PTGR2: variants seen among roughly 807,000 people sequenced by gnomAD.
The protein encoded by PTGR2 is 15-oxoprostaglandin 13-reductase.
Under a neutral mutation model 43.4 loss-of-function variants are expected in PTGR2, and 32 were observed. The observed-to-expected ratio is 0.74, with a 90% confidence interval of 0.56 to 0.99. The LOEUF (loss-of-function observed/expected upper bound fraction) is 0.99, where lower values mean the gene tolerates loss of function less well. PTGR2 is among the 50% of genes least tolerant of loss of function. The pLI is 0.00. For synonymous variants in PTGR2, 106 were observed against 139.2 expected, an observed-to-expected ratio of 0.76 and a Z score of 1.68; for missense variants, 373 against 420.0, an observed-to-expected ratio of 0.89 and a Z score of 0.98.
intron 3 of PTGR2, among the ~76,000 whole-genome samples, chr14:73,866,094 C>T (rs184508645): frequency 2.5e-4 from 38 of 152,072 alleles, no homozygotes; most frequent in African/African-American, 4.3e-4. Context: ...CTCCACTTCC[C>T]GGGTTCAAGT....
chr14:73,862,368 C>T (rs1041914032), intron 3 of PTGR2, among the ~76,000 whole-genome samples: 4 of 151,930 alleles, frequency 2.6e-5, no homozygotes, highest in Non-Finnish European at 5.9e-5. Context: ...CCACCACGCC[C>T]GGCTAATTTT....
At chr14:73,863,038 A>G (rs2054529817) in intron 3 of PTGR2, among the ~76,000 whole-genome samples, 1 of 152,170 alleles carries the variant, frequency 6.6e-6, no homozygotes, top group Admixed American at 6.5e-5. Flanking sequence ...CAGTTTTATT[A>G]TATTCACACA....
intron 1 of PTGR2, among the ~76,000 whole-genome samples, chr14:73,856,567 A>G (rs761287414): frequency 1.3e-5 from 2 of 152,112 alleles, no homozygotes; most frequent in Non-Finnish European, 2.9e-5. Flanking sequence ...TAAATCTTTT[A>G]CCCCATATTT....
intron 4 of PTGR2, among the ~76,000 whole-genome samples, chr14:73,876,483 C>CTTTTTTTTTTTTTTTTTTTTTTT (rs766810794): frequency 3.7e-5 from 4 of 108,570 alleles, no homozygotes; most frequent in African/African-American, 6.7e-5. Flanking sequence ...GACATAAGTC[C>CTTTTTTTTTTTTTTTTTTTTTTT]TTTTTTTTTT....
chr14:73,880,049 G>A lies in PTGR2; in HGVS notation c.730-6G>A. On this transcript the variant is annotated splice_polypyrimidine_tract_variant and splice_region_variant and intron_variant, in intron 6 of 9. Coordinates refer to ENST00000555661, the MANE Select transcript of PTGR2 (RefSeq NM_001146154.2). ...GGATATTTTATCATTATTTTTCTCT[G>A]TGCAGATGAATGAGAACAGCCACAT... 2 of 1,613,390 alleles carry A rather than the reference G, an allele frequency of 1.2e-6. No individual in the cohort carries two copies. Among genetic ancestry groups the A allele is most frequent in the South Asian group, 2.2e-5 (2 of 91,070 alleles).
chr14:73,872,870 G>A (rs975850172), intron 3 of PTGR2, among the ~76,000 whole-genome samples: 4 of 151,946 alleles, frequency 2.6e-5, no homozygotes, highest in Non-Finnish European at 5.9e-5. Context: ...CCAGCTATGC[G>A]GGAGGCTGAG....
intron 2 of PTGR2, among the ~76,000 whole-genome samples, chr14:73,859,163 T>C (rs1004273161): frequency 3.0e-4 from 46 of 152,294 alleles, no homozygotes; most frequent in African/African-American, 1.1e-3. Context: ...GGAATCATAA[T>C]GTCTGAAAGG....
intron 7 of PTGR2, among the ~76,000 whole-genome samples, chr14:73,880,458 C>A (rs1218243229): frequency 6.6e-6 from 1 of 151,634 alleles, no homozygotes; most frequent in Non-Finnish European, 1.5e-5. Context: ...GCCTGTAATC[C>A]CAGCTACTTG....
chr14:73,867,626 C>T (rs1383162854), intron 3 of PTGR2, among the ~76,000 whole-genome samples: 3 of 152,152 alleles, frequency 2.0e-5, no homozygotes, highest in South Asian at 4.1e-4. Flanking sequence ...CAAAAAACCT[C>T]TTTTTCCTCC....
intron 3 of PTGR2, among the ~76,000 whole-genome samples, chr14:73,862,247 G>A (rs1041902620): frequency 2.6e-5 from 4 of 150,988 alleles, no homozygotes; most frequent in South Asian, 2.1e-4. Context: ...TTGCTCTGTC[G>A]CCCAGGCTGG....
chr14:73,876,932 G>T (rs1293949551), intron 4 of PTGR2, 66 bp from the exon 5 acceptor site: 15 of 1,223,374 alleles, frequency 1.2e-5, no homozygotes, highest in Non-Finnish European at 1.8e-5. Context: ...ATAACACGTT[G>T]TCTCTACTTT....
chr14:73,867,248 C>A (rs1037630791), intron 3 of PTGR2, among the ~76,000 whole-genome samples: 1 of 152,028 alleles, frequency 6.6e-6, no homozygotes, highest in Admixed American at 6.6e-5. Context: ...GTCAGCTTAC[C>A]TGCTCTCATT....
At chr14:73,853,799 G>A (rs2054284243) in intron 1 of PTGR2, among the ~76,000 whole-genome samples, 1 of 152,126 alleles carries the variant, frequency 6.6e-6, no homozygotes, top group Admixed American at 6.6e-5. Context: ...TTCCCACCTG[G>A]TTAGAACTAG....
Position 73,885,419 on chromosome 14 carries a change from T to G in PTGR2, c.*1242T>G, listed in dbSNP as rs1297832044. ...CCTCAAAAGTTTGTTTTATTAATTG[T>G]ACTCAACCCTCGCAGAACAGTAAAA... On this transcript the variant is annotated 3_prime_UTR_variant, in exon 10 of 10. Coordinates refer to ENST00000555661, the MANE Select transcript of PTGR2 (RefSeq NM_001146154.2). The G allele has an allele frequency of 6.6e-6, 1 of 152,254 alleles. No homozygotes were observed. The highest frequency in any genetic ancestry group is 2.4e-5 in the African/African-American group (1 of 41,472). 9.4% of individuals were successfully genotyped at this position (152,254 alleles called of 1,614,324 possible).
intron 3 of PTGR2, among the ~76,000 whole-genome samples, chr14:73,865,733 G>A (rs1356098477): frequency 2.0e-5 from 3 of 150,888 alleles, no homozygotes; most frequent in African/African-American, 7.3e-5. Flanking sequence ...AGTCGTGTCA[G>A]CACTTTTTTT....
rs1408196243 is a variant in PTGR2, at chr14:73,857,616, ACTC to A, written c.-47-1198_-47-1196del. On this transcript the variant is annotated intron_variant, in intron 1 of 9. Transcript: ENST00000555661. ...GTGACAGAGTAAGATTCTGTCCCCC[ACTC>A]CAAAAAAAAAATTTTTTTGATTACA... Among the ~76,000 whole-genome samples the A allele has an allele frequency of 4.8e-5, 5 of 105,196 alleles. No homozygotes were observed. The East Asian group carries it at 1.4e-3, about 30-fold the overall frequency. 69.0% of individuals were successfully genotyped at this position (105,196 alleles called of 152,430 possible). A position where few individuals can be genotyped will look rare whatever the true frequency, so the allele number is the denominator to read the frequency against.
At chr14:73,881,474 C>A (rs553859311) in intron 8 of PTGR2, among the ~76,000 whole-genome samples, 182 bp downstream of exon 8, 2 of 152,006 alleles carry the variant, frequency 1.3e-5, no homozygotes, top group African/African-American at 4.8e-5. Context: ...ATCAACAAAC[C>A]CTTGCTTGTT....
intron 4 of PTGR2, among the ~76,000 whole-genome samples, chr14:73,874,983 C>T (rs758154888): frequency 3.3e-5 from 5 of 151,916 alleles, no homozygotes; most frequent in Admixed American, 6.6e-5. Flanking sequence ...CTCAGTCTCC[C>T]GAGTAGCTGG....
At chr14:73,865,977 G>A (rs1454952566) in intron 3 of PTGR2, among the ~76,000 whole-genome samples, 1 of 151,800 alleles carries the variant, frequency 6.6e-6, no homozygotes, top group Non-Finnish European at 1.5e-5. Context: ...GTTTTGAAAT[G>A]AGCAAGTGTG....
Sources: gnomAD v4.1 joint callset for allele counts (sites outside exome capture counted in the v4.1 genomes callset) on GRCh38, gnomAD v4.1.1 for gene constraint, MANE v1.5 for transcripts, NCBI Gene and HGNC (gene_info 2026-07-23, HGNC 2026-07-21) for gene names.